Variants in USP30 observed in about 807,000 individuals in gnomAD.
USP30 encodes the protein ubiquitin specific peptidase 30.
Under a neutral mutation model 68.2 loss-of-function variants are expected in USP30, and 41 were observed. That is an observed-to-expected ratio of 0.60 (90% CI 0.47 to 0.78). The LOEUF (loss-of-function observed/expected upper bound fraction) is 0.78, where lower values mean the gene tolerates loss of function less well. USP30 is among the 30% of genes least tolerant of loss of function. The pLI, the probability that USP30 is intolerant of heterozygous loss-of-function variation, is 0.00. For missense variants in USP30, 522 were observed against 649.4 expected, an observed-to-expected ratio of 0.80 and a Z score of 2.13; for synonymous variants, 229 against 253.7, an observed-to-expected ratio of 0.90 and a Z score of 0.93.
At chr12:109,044,491 G>A (rs931253966) in intron 3 of USP30, among the ~76,000 whole-genome samples, 1 of 151,716 alleles carries the variant, frequency 6.6e-6, no homozygotes, top group African/African-American at 2.4e-5. Context: ...AGAAAAATCA[G>A]CCAGGCACAA....
chr12:109,066,990 C>T (rs1381019653), intron 3 of USP30, among the ~76,000 whole-genome samples: 2 of 151,694 alleles, frequency 1.3e-5, no homozygotes, highest in Non-Finnish European at 2.9e-5. Context: ...GCTGCAGCCT[C>T]ATGAAAAATT....
chr12:109,069,896 A>G (rs1469226722), intron 4 of USP30, among the ~76,000 whole-genome samples: 4 of 152,180 alleles, frequency 2.6e-5, no homozygotes, highest in Admixed American at 2.6e-4. Context: ...AGAGCATTCC[A>G]GACAGATGAA....
At position 109,055,843 on chromosome 12, in the gene USP30, A is replaced by C. The variant is rs76006031; in HGVS notation, c.84-839A>C. On this transcript the variant is annotated intron_variant, in intron 1 of 12. Transcript: ENST00000257548. ...AAAAAAAAAAAAGAAAAGAAAAAAA[A>C]CATAGCGAATAGGTTAATTTTATGT... Among the ~76,000 whole-genome samples the C allele has an allele frequency of 3.4e-3, 514 of 151,970 alleles. 3 individuals are homozygous for C. Among genetic ancestry groups the C allele is most frequent in the African/African-American group, 0.012 (487 of 41,456 alleles).
At chr12:109,024,062 C>T (rs188666750) in intron 1 of USP30, among the ~76,000 whole-genome samples, 1 of 152,112 alleles carries the variant, frequency 6.6e-6, no homozygotes, top group Non-Finnish European at 1.5e-5. Flanking sequence ...CCCAGCTCCA[C>T]CTCTTCCTGG....
chr12:109,024,634 T>C (rs879166530), intron 1 of USP30, among the ~76,000 whole-genome samples: 3 of 151,752 alleles, frequency 2.0e-5, no homozygotes, highest in Non-Finnish European at 2.9e-5. Flanking sequence ...ATTTTTTTTT[T>C]CCCGAGACCG....
intron 10 of USP30, 21 bp downstream of exon 10, chr12:109,082,764 C>A (rs1312218264): frequency 4.3e-5 from 70 of 1,612,170 alleles, no homozygotes; most frequent in Non-Finnish European, 5.8e-5. Context: ...ACTACACACC[C>A]TGTTGGCTTT....
intron 1 of USP30, among the ~76,000 whole-genome samples, chr12:109,023,702 C>T (rs1244835547): frequency 7.3e-6 from 1 of 136,772 alleles, no homozygotes; most frequent in African/African-American, 2.7e-5. Flanking sequence ...GGCGCAATCT[C>T]GGCTCACTGC....
In USP30 at chr12:109,067,596, A is replaced by G. The variant is rs1004069067; in HGVS notation, c.449A>G (p.Tyr150Cys). 3.7e-6 allele frequency: 6 copies of G among 1,614,058 alleles called. No homozygotes were observed. Among genetic ancestry groups the G allele is most frequent in the Non-Finnish European group, 4.2e-6 (5 of 1,180,018 alleles). ...ASCLLDVLRM[Y>C]RWQISSFEEQ... is the part of the protein sequence containing the mutation. ...TGCTTGTTGGATGTCTTAAGAATGT[A>G]CAGATGGCAGATCTCATCATTTGAA... Residue 150 changes from tyrosine (Y) to cysteine (C), a missense_variant, in exon 4 of 13, where the codon TAC becomes TGC. Coordinates refer to ENST00000257548, the MANE Select transcript of USP30 (RefSeq NM_032663.5).
At chr12:109,037,856 C>T (rs190286974) in intron 3 of USP30, among the ~76,000 whole-genome samples, 2 of 152,242 alleles carry the variant, frequency 1.3e-5, no homozygotes, top group East Asian at 3.9e-4. Flanking sequence ...TGTCAAACAT[C>T]AAGGTCAGCC....
intron 3 of USP30, among the ~76,000 whole-genome samples, chr12:109,046,958 A>G (rs1180187545): frequency 6.6e-6 from 1 of 152,044 alleles, no homozygotes; most frequent in Non-Finnish European, 1.5e-5. Flanking sequence ...GGGCCTCCCA[A>G]AGTGGTGGGA....
chr12:109,066,061 G>A (rs960096177), intron 3 of USP30, among the ~76,000 whole-genome samples: 3 of 151,784 alleles, frequency 2.0e-5, no homozygotes, highest in African/African-American at 7.3e-5. Flanking sequence ...AGACCAGCCT[G>A]GGCAACATGG....
intron 3 of USP30, among the ~76,000 whole-genome samples, chr12:109,043,351 G>T (rs2040577552): frequency 6.6e-6 from 1 of 152,112 alleles, no homozygotes; most frequent in Non-Finnish European, 1.5e-5. Flanking sequence ...TTACTACAAA[G>T]CCACACTAAT....
chr12:109,041,762 G>T (rs1191014713), intron 3 of USP30, among the ~76,000 whole-genome samples: 2 of 151,940 alleles, frequency 1.3e-5, no homozygotes, highest in Non-Finnish European at 2.9e-5. Context: ...GGCATTCCTT[G>T]AAGAGCTACT....
chr12:109,068,916 C>A (rs1015864508), intron 4 of USP30, among the ~76,000 whole-genome samples: 1 of 152,192 alleles, frequency 6.6e-6, no homozygotes, highest in Non-Finnish European at 1.5e-5. Context: ...CAATCAGGAG[C>A]AGATTTTCCC....
chr12:109,071,322 G>A (rs1009699472), intron 4 of USP30, among the ~76,000 whole-genome samples: 3 of 152,182 alleles, frequency 2.0e-5, no homozygotes, highest in East Asian at 3.8e-4. Context: ...TTTTGAAATC[G>A]GAGTGGAGGT....
intron 7 of USP30, among the ~76,000 whole-genome samples, chr12:109,078,645 G>C (rs1245727226): frequency 6.7e-6 from 1 of 150,370 alleles, no homozygotes; most frequent in Non-Finnish European, 1.5e-5. Context: ...TTAATTAATA[G>C]AAAAATATGT....
At chr12:109,037,222 A>G (rs1593222395) in intron 3 of USP30, among the ~76,000 whole-genome samples, 1 of 152,086 alleles carries the variant, frequency 6.6e-6, no homozygotes, top group Admixed American at 6.6e-5. Flanking sequence ...TGAATTTTTC[A>G]TTTCAGTTAT....
chr12:109,031,199 A>G (rs1295528747), intron 3 of USP30, among the ~76,000 whole-genome samples: 1 of 152,254 alleles, frequency 6.6e-6, no homozygotes, highest in Non-Finnish European at 1.5e-5. Context: ...TAATGTGACT[A>G]CACGCATTGG....
At chr12:109,074,778 A>C (rs955099337) in intron 7 of USP30, among the ~76,000 whole-genome samples, 30 of 152,260 alleles carry the variant, frequency 2.0e-4, no homozygotes, top group Admixed American at 1.1e-3. Context: ...TTTCAAGAAT[A>C]CAATACAGTA....
Sources: allele counts gnomAD v4.1 joint callset (sites outside exome capture counted in the v4.1 genomes callset), GRCh38; gene constraint gnomAD v4.1.1; transcripts MANE v1.5; gene names NCBI Gene and HGNC (gene_info 2026-07-23, HGNC 2026-07-21).